SYNE3: variants seen among roughly 807,000 people sequenced by gnomAD.
The protein encoded by SYNE3 is nesprin-3.
SYNE3 carries 100 observed loss-of-function variants against 111.2 expected under a neutral mutation model. The observed-to-expected ratio is 0.90, with a 90% CI of 0.77 to 1.06. The LOEUF is 1.06. Ranked by LOEUF, SYNE3 falls within the 50% of genes least tolerant of loss-of-function variation. SYNE3 has a pLI of 0.00. For synonymous variants in SYNE3, 547 were observed against 533.9 expected (o/e 1.02, Z -0.34); for missense variants, 1,160 against 1,240.3 (o/e 0.94, Z 0.97).
At chr14:95,499,257 C>T (rs771743115) in intron 1 of SYNE3, among the ~76,000 whole-genome samples, 1 of 152,226 alleles carries the variant, frequency 6.6e-6, no homozygotes, top group Non-Finnish European at 1.5e-5. Flanking sequence ...TCTAACGGCT[C>T]AGGGTCAAAG....
intron 17 of SYNE3, among the ~76,000 whole-genome samples, chr14:95,426,317 C>G (rs73339136): frequency 0.025 from 3,812 of 152,170 alleles, 178 homozygotes; most frequent in African/African-American, 0.088. Flanking sequence ...ACTGCATGGC[C>G]CTAGCAAAGC....
chr14:95,506,453 G>A (rs1890532063), intron 1 of SYNE3, among the ~76,000 whole-genome samples: 13 of 152,250 alleles, frequency 8.5e-5, no homozygotes, highest in Admixed American at 8.5e-4. Flanking sequence ...AGGCTTGGCT[G>A]GGTCGACTCT....
At position 95,409,894 on chromosome 14, in the gene SYNE3, C is replaced by T. The variant is rs1273379592; in HGVS notation, c.*7932G>A. 6.1e-6 allele frequency: 1 copy of T among 163,366 alleles called. No individual in the cohort carries two copies. The highest frequency in any genetic ancestry group is 1.7e-4 in the East Asian group (1 of 5,742). The allele number at this position is 163,366 out of a possible 1,614,324, so 10.1% of individuals were successfully genotyped here. ...AAAGCCTCAATTGTCTGCTACAAAA[C>T]AAAGAGCTGGCCTGGAAAGGCTCAG... On this transcript the variant is annotated 3_prime_UTR_variant, in exon 18 of 18. Coordinates refer to ENST00000682763, the MANE Select transcript of SYNE3 (RefSeq NM_152592.6).
chr14:95,431,416 G>T (rs1885753425), intron 17 of SYNE3, among the ~76,000 whole-genome samples: 1 of 152,228 alleles, frequency 6.6e-6, no homozygotes, highest in Non-Finnish European at 1.5e-5. Flanking sequence ...AGAGTTACAG[G>T]AGAGGCCCTA....
chr14:95,424,698 C>G (rs1885338655), intron 17 of SYNE3, among the ~76,000 whole-genome samples: 1 of 152,156 alleles, frequency 6.6e-6, no homozygotes, highest in Non-Finnish European at 1.5e-5. Flanking sequence ...AATCCAATCA[C>G]AAGGAAACAG....
At chr14:95,496,609 C>T (rs1480416866) in intron 1 of SYNE3, among the ~76,000 whole-genome samples, 3 of 152,172 alleles carry the variant, frequency 2.0e-5, no homozygotes, top group Admixed American at 1.3e-4. Flanking sequence ...CTGGAATTCC[C>T]TCCTCCTCCC....
chr14:95,486,785 T>C (rs1889572452), intron 1 of SYNE3, among the ~76,000 whole-genome samples: 1 of 152,188 alleles, frequency 6.6e-6, no homozygotes, highest in South Asian at 2.1e-4. Context: ...ATATAGGGTT[T>C]ACACTTTTTT....
chr14:95,492,408 T>C (rs998843509), intron 1 of SYNE3, among the ~76,000 whole-genome samples: 1 of 152,246 alleles, frequency 6.6e-6, no homozygotes, highest in African/African-American at 2.4e-5. Context: ...GGTCTATCCA[T>C]ACAATGGAAT....
Position 95,482,277 on chromosome 14 carries a change from T to G in SYNE3, c.-14-6442A>C, listed in dbSNP as rs963868701. ...GGTGAAACCCTGTCTCTACTAAAAA[T>G]ACAAAAATTAGCCAGGCGTGATAGC... On this transcript the variant is annotated intron_variant, in intron 1 of 17. Coordinates refer to ENST00000682763, the MANE Select transcript of SYNE3 (RefSeq NM_152592.6). Among the ~76,000 whole-genome samples the G allele has an allele frequency of 5.3e-4, 81 of 152,146 alleles. 1 individual carries two copies. Among genetic ancestry groups the G allele is most frequent in the East Asian group, 1.7e-3 (9 of 5,162 alleles).
chr14:95,433,378 T>C lies in SYNE3; in HGVS notation c.2570A>G (p.His857Arg). The stretch of plus-strand genomic sequence containing the variant: ...GAGACGAAGGAGGTTCTCAAAGAGA[T>C]GCTGACCTTCTGGCACCCGAGCCTC... ...ELEARVPEGQ[H>R]LFENLLRLGP... Residue 857 changes from histidine (H) to arginine (R), a missense_variant, in exon 16 of 18, where the codon CAT becomes CGT. His to Arg is a conservative substitution (Grantham distance 29). Coordinates refer to ENST00000682763, the MANE Select transcript of SYNE3 (RefSeq NM_152592.6). 6.2e-7 allele frequency: 1 copy of C among 1,614,136 alleles called. No homozygotes were observed.
chr14:95,444,694 G>A (rs992076816), intron 9 of SYNE3, 66 bp from the exon 10 acceptor site: 23 of 1,480,996 alleles, frequency 1.6e-5, no homozygotes, highest in South Asian at 1.4e-4. Context: ...TGTGAGACCC[G>A]ACCCGTTCAG....
intron 2 of SYNE3, among the ~76,000 whole-genome samples, chr14:95,469,152 A>G (rs1448010388): frequency 6.6e-6 from 1 of 152,170 alleles, no homozygotes; most frequent in Non-Finnish European, 1.5e-5. Context: ...GCTCAAGCTC[A>G]GATCCCCAGC....
intron 3 of SYNE3, 132 bp downstream of exon 3, chr14:95,467,663 T>A: frequency 1.8e-6 from 2 of 1,133,118 alleles, no homozygotes; most frequent in Non-Finnish European, 2.5e-6. Flanking sequence ...CTGGCCCTAA[T>A]CCCAAGAGAA....
chr14:95,506,023 G>C (rs762239321), intron 1 of SYNE3, among the ~76,000 whole-genome samples: 12 of 152,098 alleles, frequency 7.9e-5, no homozygotes, highest in Non-Finnish European at 1.8e-4. Context: ...GAGCCCAGGT[G>C]GTTATGAGAA....
chr14:95,442,741 C>T (rs1284916178), intron 11 of SYNE3, among the ~76,000 whole-genome samples: 2 of 152,228 alleles, frequency 1.3e-5, no homozygotes, highest in African/African-American at 4.8e-5. Flanking sequence ...AGGCCTTGTG[C>T]AGGCTGCAAG....
Position 95,470,108 on chromosome 14 carries a change from C to T in SYNE3, c.145-2141G>A, listed in dbSNP as rs1282606097. 6.6e-6 allele frequency among the ~76,000 whole-genome samples: 1 copy of T among 152,094 alleles called. No individual in the cohort carries two copies. Among genetic ancestry groups the T allele is most frequent in the East Asian group, 1.9e-4 (1 of 5,190 alleles). ...GCAGGGGCCCAGGGGGTGGTGGCCA[C>T]AGCAAGTACCCACACAGGGACCCCG... On this transcript the variant is annotated intron_variant, in intron 2 of 17. Coordinates refer to ENST00000682763, the MANE Select transcript of SYNE3 (RefSeq NM_152592.6). This position sits in a 1 kb window ranked among gnomAD's most constrained non-coding sequence, Gnocchi z 4.2.
intron 1 of SYNE3, among the ~76,000 whole-genome samples, chr14:95,499,626 C>T (rs1049384471): frequency 4.6e-5 from 7 of 152,118 alleles, no homozygotes; most frequent in Non-Finnish European, 7.3e-5. Flanking sequence ...TCCCACCCAC[C>T]GTTAAACCAG....
At chr14:95,488,695 A>C (rs1595250764) in intron 1 of SYNE3, among the ~76,000 whole-genome samples, 1 of 44,116 alleles carries the variant, frequency 2.3e-5, no homozygotes. Flanking sequence ...GGGAAGGGGA[A>C]GGGAGGAGAG....
chr14:95,433,080 G>A (rs371264709), intron 16 of SYNE3, among the ~76,000 whole-genome samples, 180 bp downstream of exon 16: 11 of 152,140 alleles, frequency 7.2e-5, no homozygotes, highest in African/African-American at 1.2e-4. Context: ...GCCAAATGGC[G>A]TCACCTAAGT....
Sources: gnomAD v4.1 joint callset for allele counts (sites outside exome capture counted in the v4.1 genomes callset) on GRCh38, gnomAD v4.1.1 for gene constraint, Gnocchi (gnomAD v3.1) non-coding constraint, MANE v1.5 for transcripts, NCBI Gene and HGNC (gene_info 2026-07-23, HGNC 2026-07-21) for gene names.